NBEA: variants seen among roughly 807,000 people sequenced by gnomAD.
NBEA encodes lysosomal-trafficking regulator 2.
In NBEA, 44 loss-of-function variants were observed where a neutral mutation model predicts 343.4. The observed-to-expected ratio is 0.13, with a 90% CI of 0.10 to 0.16. NBEA has a LOEUF of 0.16. Among genes scored for constraint, NBEA ranks in the 10% least tolerant of loss-of-function variants. The pLI is 1.00. For missense variants in NBEA, 2,555 were observed against 3,631.3 expected (o/e 0.70, Z 7.62); for synonymous variants, 1,175 against 1,238.7 (o/e 0.95, Z 1.08).
chr13:35,543,956 T>G (rs1242820474), intron 41 of NBEA, among the ~76,000 whole-genome samples: 3 of 152,166 alleles, frequency 2.0e-5, no homozygotes, highest in Admixed American at 1.3e-4. Flanking sequence ...CTTGGAATCT[T>G]CTCCATTCAG....
intron 38 of NBEA, among the ~76,000 whole-genome samples, chr13:35,355,602 A>G (rs573316493): frequency 7.2e-5 from 11 of 152,168 alleles, no homozygotes; most frequent in African/African-American, 2.6e-4. Flanking sequence ...GAGGGGGAAA[A>G]TAAGATCTCA....
intron 10 of NBEA, among the ~76,000 whole-genome samples, chr13:35,083,665 T>C (rs1416874313): frequency 6.6e-6 from 1 of 152,060 alleles, no homozygotes; most frequent in East Asian, 1.9e-4. Flanking sequence ...TGCCAAATTG[T>C]AAAGACCACC....
chr13:35,403,847 A>AC (rs1357394868), intron 38 of NBEA, among the ~76,000 whole-genome samples: 2 of 152,194 alleles, frequency 1.3e-5, no homozygotes, highest in Non-Finnish European at 2.9e-5. Flanking sequence ...AATTTTCGCG[A>AC]CCTACTCATC....
chr13:35,136,705 G>A (rs887296550), intron 17 of NBEA, among the ~76,000 whole-genome samples: 2 of 152,194 alleles, frequency 1.3e-5, no homozygotes, highest in Admixed American at 6.5e-5. Context: ...TGCAGTGTCT[G>A]CAAGTTCTGA....
In NBEA at chr13:35,606,574, G is replaced by A; in HGVS notation, c.7445G>A (p.Arg2482Lys). The change falls in exon 48 of 59, where the codon AGG (arginine) becomes AAG (lysine). Residue 2482 changes from arginine (R) to lysine (K), a missense_variant. Arg to Lys is a conservative substitution (Grantham distance 26). Coordinates refer to ENST00000379939, the MANE Select transcript of NBEA (RefSeq NM_001385012.1). ...KKPEDFVRIN[R>K]MALESEFVSC... The stretch of plus-strand genomic sequence containing the variant: ...CCTGAAGACTTTGTGCGGATCAACA[G>A]GATGGTAAGAGAGATTTTGCTTTTG... The A allele has an allele frequency of 1.9e-6, 3 of 1,599,288 alleles. No individual in the cohort carries two copies. Among genetic ancestry groups the A allele is most frequent in the Non-Finnish European group, 2.6e-6 (3 of 1,170,810 alleles).
At chr13:35,162,965 A>G (rs1168578887) in intron 23 of NBEA, among the ~76,000 whole-genome samples, 2 of 152,186 alleles carry the variant, frequency 1.3e-5, no homozygotes, top group African/African-American at 2.4e-5. Flanking sequence ...GCTAATTGTT[A>G]TATGATAAAT....
intron 38 of NBEA, among the ~76,000 whole-genome samples, chr13:35,357,732 G>A (rs564664657): frequency 1.1e-3 from 166 of 151,840 alleles, no homozygotes; most frequent in Admixed American, 1.8e-3. Flanking sequence ...CATGTCTTTT[G>A]AACAAAGATT....
intron 33 of NBEA, among the ~76,000 whole-genome samples, chr13:35,221,534 T>G (rs1030075351): frequency 1.3e-4 from 20 of 152,260 alleles, no homozygotes; most frequent in African/African-American, 4.6e-4. Context: ...ATTTCTTTTC[T>G]TGTTATTATT....
At chr13:35,657,314 C>A (rs558868189) in intron 55 of NBEA, among the ~76,000 whole-genome samples, 7 of 152,314 alleles carry the variant, frequency 4.6e-5, no homozygotes, top group African/African-American at 1.7e-4. Context: ...ATTGTACATA[C>A]GAGTCTCTGT....
At chr13:35,266,183 A>G (rs949489417) in intron 34 of NBEA, among the ~76,000 whole-genome samples, 2 of 151,828 alleles carry the variant, frequency 1.3e-5, no homozygotes, top group Admixed American at 6.6e-5. Flanking sequence ...TACCAAAAAG[A>G]TAATAAGTGT....
intron 35 of NBEA, among the ~76,000 whole-genome samples, chr13:35,304,198 T>A: frequency 6.6e-6 from 1 of 152,134 alleles, no homozygotes; most frequent in Non-Finnish European, 1.5e-5. Context: ...TAGTGACTCT[T>A]CTTTTGGTAG....
At chr13:34,943,222 C>T (rs894692610) in intron 1 of NBEA, 108 bp downstream of exon 1, 2 of 1,424,268 alleles carry the variant, frequency 1.4e-6, no homozygotes, top group Non-Finnish European at 9.5e-7. Context: ...GCCGCGCGTC[C>T]CTGGGAGCGC....
chr13:35,095,996 G>C (rs1393254989), intron 10 of NBEA, among the ~76,000 whole-genome samples: 2 of 151,800 alleles, frequency 1.3e-5, no homozygotes. Flanking sequence ...TTGTATCTAG[G>C]GGAGTTGGAA....
chr13:35,271,472 C>T (rs903140605), intron 34 of NBEA, among the ~76,000 whole-genome samples: 7 of 152,224 alleles, frequency 4.6e-5, no homozygotes, highest in Non-Finnish European at 7.4e-5. Flanking sequence ...CACAACTCCA[C>T]GCCAGTAAGG....
At chr13:35,328,629 C>T (rs2038733389) in intron 36 of NBEA, among the ~76,000 whole-genome samples, 2 of 151,884 alleles carry the variant, frequency 1.3e-5, no homozygotes, top group African/African-American at 4.8e-5. Context: ...TATATACCAA[C>T]TATATACCCA....
intron 38 of NBEA, 23 bp downstream of exon 38, chr13:35,352,346 AAAT>A (rs1161263944): frequency 7.4e-7 from 1 of 1,343,396 alleles, no homozygotes; most frequent in East Asian, 2.7e-5. Flanking sequence ...AAATTCGAGT[AAAT>A]AATAATTCAT....
intron 46 of NBEA, among the ~76,000 whole-genome samples, chr13:35,586,039 A>G (rs907926057): frequency 6.6e-6 from 1 of 152,204 alleles, no homozygotes; most frequent in Non-Finnish European, 1.5e-5. Context: ...GTATTGTAGA[A>G]TGCTAAATTA....
chr13:35,234,034 T>G (rs764294346), intron 34 of NBEA, among the ~76,000 whole-genome samples: 2 of 152,128 alleles, frequency 1.3e-5, no homozygotes, highest in Non-Finnish European at 2.9e-5. Flanking sequence ...GTCAGTACAT[T>G]GGCCCTAAAA....
chr13:35,648,389 C>T (rs1480189362), intron 51 of NBEA, among the ~76,000 whole-genome samples: 2 of 151,870 alleles, frequency 1.3e-5, no homozygotes, highest in African/African-American at 4.8e-5. Flanking sequence ...CGGAGCCTCA[C>T]CGTTTTTAAT....
Sources: allele counts gnomAD v4.1 joint callset (sites outside exome capture counted in the v4.1 genomes callset), GRCh38; gene constraint gnomAD v4.1.1; transcripts MANE v1.5; gene names NCBI Gene and HGNC (gene_info 2026-07-23, HGNC 2026-07-21).